Variants in CTDP1 observed in about 807,000 individuals in gnomAD.
CTDP1 encodes CTD phosphatase 1.
In CTDP1, 47 loss-of-function variants were observed where a neutral mutation model predicts 91.8. The observed-to-expected ratio is 0.51, with a 90% CI of 0.41 to 0.65. The LOEUF (loss-of-function observed/expected upper bound fraction) is 0.65, where lower values mean the gene tolerates loss of function less well. Ranked by LOEUF, CTDP1 falls within the 30% of genes least tolerant of loss-of-function variation. The probability of loss-of-function intolerance (pLI) is 0.00; values close to 1 mark genes in which losing one functional copy is unlikely to be tolerated. For missense variants in CTDP1, 1,272 were observed against 1,373.7 expected (o/e 0.93, Z 1.17); for synonymous variants, 656 against 598.5 (o/e 1.10, Z -1.40).
intron 5 of CTDP1, among the ~76,000 whole-genome samples, chr18:79,709,948 A>G (rs530771176): frequency 6.6e-6 from 1 of 152,268 alleles, no homozygotes; most frequent in South Asian, 2.1e-4. Context: ...ACGCAGAGTA[A>G]TTTCAGCTTA....
intron 11 of CTDP1, among the ~76,000 whole-genome samples, chr18:79,735,304 C>T (rs1324903074): frequency 6.6e-6 from 1 of 152,224 alleles, no homozygotes; most frequent in African/African-American, 2.4e-5. Context: ...TCCTGGGAAA[C>T]AGCCTGCGCT....
intron 1 of CTDP1, among the ~76,000 whole-genome samples, chr18:79,689,524 G>A (rs149854155): frequency 1.3e-5 from 2 of 152,250 alleles, no homozygotes; most frequent in East Asian, 3.9e-4. Context: ...AGTGGCTCAC[G>A]CCTGTAATCC....
At chr18:79,751,646 T>C (rs1226388187) in intron 12 of CTDP1, among the ~76,000 whole-genome samples, 1 of 152,224 alleles carries the variant, frequency 6.6e-6, no homozygotes, top group African/African-American at 2.4e-5. Flanking sequence ...ATTTCTGCGC[T>C]ATAGTTTGTG....
intron 10 of CTDP1, among the ~76,000 whole-genome samples, chr18:79,728,206 TCTC>T (rs1222901606): frequency 6.6e-6 from 1 of 152,110 alleles, no homozygotes; most frequent in Non-Finnish European, 1.5e-5. Context: ...TTCAAGCGAT[TCTC>T]CTGCCTCAGC....
intron 11 of CTDP1, among the ~76,000 whole-genome samples, chr18:79,730,466 T>TTCGATAGCAAAGGG (rs6146422): frequency 1.3e-5 from 2 of 152,042 alleles, no homozygotes; most frequent in Non-Finnish European, 2.9e-5. Flanking sequence ...TGGTTCTTAA[T>TTCGATAGCAAAGGG]GGTTGAATTC....
intron 1 of CTDP1, among the ~76,000 whole-genome samples, chr18:79,686,128 A>C (rs1354283113): frequency 6.6e-6 from 1 of 152,168 alleles, no homozygotes; most frequent in Non-Finnish European, 1.5e-5. Context: ...ATGGGTTTTT[A>C]GGTATCTCCG....
rs1057091387 is a variant in CTDP1 at position 79,728,990 on chromosome 18, G to C, written c.2501G>C (p.Arg834Thr). 4 of 1,614,084 alleles carry C rather than the reference G, an allele frequency of 2.5e-6. No individual in the cohort carries two copies. The African/African-American group carries it at 5.3e-5, about 22-fold the overall frequency. ...QDGEQPGPSRRKRQPSMSETM... is the reference protein window; with the variant it reads ...QDGEQPGPSRTKRQPSMSETM... ...GGAGAGCAGCCTGGCCCTTCTAGAA[G>C]AAAGCGACAGCCCAGTATGTCTGAG... Residue 834 changes from arginine (R) to threonine (T), a missense_variant, in exon 11 of 13, where the codon AGA (arginine) becomes ACA (threonine). Coordinates refer to ENST00000613122, the MANE Select transcript of CTDP1 (RefSeq NM_004715.5).
rs773056157 is a variant in CTDP1, at chr18:79,714,525, A to G, written c.1065A>G (p.Pro355=). ...CTCGAGGCACTGAGGTCTCAGAGCCATCTCCGCCCGTGAGAGACCCTGAGG... is the reference window on the plus strand; with the variant it reads ...CTCGAGGCACTGAGGTCTCAGAGCCGTCTCCGCCCGTGAGAGACCCTGAGG... The part of the protein sequence containing the change: ...NHSRGTEVSE[P]SPPVRDPEGV... Residue 355 remains proline, a synonymous_variant, in exon 8 of 13, where the codon CCA becomes CCG. Transcript: ENST00000613122. 40 of 1,613,018 alleles carry G rather than the reference A, an allele frequency of 2.5e-5. No individual in the cohort carries two copies. The highest frequency in any genetic ancestry group is 3.4e-5 in the Non-Finnish European group (40 of 1,180,030).
At chr18:79,729,119 C>T (rs575209772) in intron 11 of CTDP1, 50 bp downstream of exon 11, 27 of 1,608,536 alleles carry the variant, frequency 1.7e-5, no homozygotes, top group South Asian at 9.9e-5. Flanking sequence ...GTGCTGGGGC[C>T]GCAGAGCTCT....
In CTDP1 at chr18:79,754,061, G is replaced by T; in HGVS notation, c.*271G>T. ...GCAGAGGCTCACGTGGCCCAGGCTG[G>T]TGCGCCCGCTGTCTCGGTAAGGGGC... On this transcript the variant is annotated 3_prime_UTR_variant, in exon 13 of 13. Coordinates refer to ENST00000613122, the MANE Select transcript of CTDP1 (RefSeq NM_004715.5). 2.0e-6 allele frequency: 1 copy of T among 505,282 alleles called. No individual in the cohort carries two copies. The highest frequency in any genetic ancestry group is 2.1e-5 in the South Asian group (1 of 48,328). 31.3% of individuals were successfully genotyped at this position (505,282 alleles called of 1,614,324 possible). A position where few individuals can be genotyped will look rare whatever the true frequency, so the allele number is the denominator to read the frequency against.
intron 12 of CTDP1, among the ~76,000 whole-genome samples, chr18:79,744,269 C>T (rs2086836267): frequency 6.6e-6 from 1 of 152,126 alleles, no homozygotes; most frequent in Non-Finnish European, 1.5e-5. Flanking sequence ...CATGTCAGGC[C>T]CTCCTGAGGC....
chr18:79,717,497 C>T, intron 8 of CTDP1, 38 bp from the exon 9 acceptor site: 2 of 1,609,822 alleles, frequency 1.2e-6, no homozygotes, highest in Non-Finnish European at 1.7e-6. Flanking sequence ...GCCTCCAGTG[C>T]TGGCCGGAAC....
In CTDP1 at chr18:79,754,078, G is replaced by C. The variant is rs2087056457; in HGVS notation, c.*288G>C. 2.2e-6 allele frequency: 1 copy of C among 464,290 alleles called. No individual in the cohort carries two copies. Among genetic ancestry groups the C allele is most frequent in the Non-Finnish European group, 4.0e-6 (1 of 251,484 alleles). The allele number at this position is 464,290 out of a possible 1,614,324, so 28.8% of individuals were successfully genotyped here. On this transcript the variant is annotated 3_prime_UTR_variant, in exon 13 of 13. Transcript: ENST00000613122. ...CCAGGCTGGTGCGCCCGCTGTCTCG[G>C]TAAGGGGCGGGTTGGTGTGTTTTCC... is the stretch of plus-strand genomic sequence containing the variant.
intron 10 of CTDP1, among the ~76,000 whole-genome samples, chr18:79,726,346 A>G (rs1026192190): frequency 4.0e-5 from 6 of 151,786 alleles, no homozygotes; most frequent in African/African-American, 7.3e-5. Flanking sequence ...TTCTTTGCCA[A>G]TCCTTTCTGT....
chr18:79,724,101 T>A (rs1476267039), intron 10 of CTDP1, among the ~76,000 whole-genome samples: 2 of 152,162 alleles, frequency 1.3e-5, no homozygotes, highest in Admixed American at 1.3e-4. Flanking sequence ...GGTTCGCATC[T>A]TTCTGAGCAC....
At chr18:79,747,245 C>T (rs574451476) in intron 12 of CTDP1, among the ~76,000 whole-genome samples, 3 of 152,286 alleles carry the variant, frequency 2.0e-5, no homozygotes, top group East Asian at 3.9e-4. Context: ...TGGTGAGCGC[C>T]CGGCCAGCTC....
intron 10 of CTDP1, among the ~76,000 whole-genome samples, chr18:79,722,647 C>T (rs925850034): frequency 3.3e-5 from 5 of 152,210 alleles, no homozygotes; most frequent in Non-Finnish European, 7.3e-5. Context: ...ATGTCTCTCC[C>T]TTCACTTGTA....
chr18:79,726,871 G>GA (rs1568206039), intron 10 of CTDP1, among the ~76,000 whole-genome samples: 9 of 72,502 alleles, frequency 1.2e-4, no homozygotes, highest in Non-Finnish European at 2.7e-4. Context: ...TGCTGTGGGG[G>GA]TGGGGTGACG....
chr18:79,679,986 C>A lies in CTDP1; in HGVS notation c.39C>A (p.Gly13=). ...CCGCGGGTCGCGTTCCTGCCGAGGG[C>A]GCCCCGACGGCGGCTGTGGCCGAGG... ...VPAAGRVPAE[G]APTAAVAEVR... is the part of the protein sequence containing the mutation. The change falls in exon 1 of 13, where the codon GGC becomes GGA. Residue 13 remains glycine, a synonymous_variant. Transcript: ENST00000613122. 1 of 1,347,464 alleles carries A rather than the reference C, an allele frequency of 7.4e-7. No homozygotes were observed. The highest frequency in any genetic ancestry group is 1.5e-5 in the African/African-American group (1 of 64,948). The allele number at this position is 1,347,464 out of a possible 1,614,324, so 83.5% of individuals were successfully genotyped here. A position where few individuals can be genotyped will look rare whatever the true frequency, so the allele number is the denominator to read the frequency against.
Sources: gnomAD v4.1 joint callset for allele counts (sites outside exome capture counted in the v4.1 genomes callset) on GRCh38, gnomAD v4.1.1 for gene constraint, MANE v1.5 for transcripts, NCBI Gene and HGNC (gene_info 2026-07-23, HGNC 2026-07-21) for gene names.